MN1: variants seen among roughly 807,000 people sequenced by gnomAD.
The protein encoded by MN1 is transcriptional activator MN1.
In MN1, 19 loss-of-function variants were observed where a neutral mutation model predicts 86.9. The observed-to-expected ratio is 0.22, with a 90% confidence interval of 0.15 to 0.32. The LOEUF (loss-of-function observed/expected upper bound fraction) is 0.32. Among genes scored for constraint, MN1 ranks in the 10% least tolerant of loss-of-function variants. MN1 has a pLI of 1.00. For missense variants in MN1, 1,841 were observed against 1,862.0 expected (o/e 0.99, Z 0.21); for synonymous variants, 928 against 849.6 (o/e 1.09, Z -1.60).
intron 1 of MN1, among the ~76,000 whole-genome samples, chr22:27,775,854 A>C (rs1347506506): frequency 6.6e-6 from 1 of 152,204 alleles, no homozygotes; most frequent in African/African-American, 2.4e-5. Context: ...AATGGCACCG[A>C]CAGCAGCTGA....
intron 1 of MN1, among the ~76,000 whole-genome samples, chr22:27,764,225 G>A (rs1029151269): frequency 4.7e-4 from 72 of 152,294 alleles, no homozygotes; most frequent in African/African-American, 1.7e-3. Flanking sequence ...CCTTGCCGTA[G>A]AACACCTGAC....
In MN1 at chr22:27,798,536, C is replaced by G. The variant is rs1933353364; in HGVS notation, c.2008G>C (p.Gly670Arg). 6.6e-7 allele frequency: 1 copy of G among 1,520,742 alleles called. No individual in the cohort carries two copies. Among genetic ancestry groups the G allele is most frequent in the African/African-American group, 1.4e-5 (1 of 71,640 alleles). The allele number at this position is 1,520,742 out of a possible 1,614,324, so 94.2% of individuals were successfully genotyped here. ...CCCCGGAACAGCACCCCCGAGCCAC[C>G]AGGCGGAGGAGGGGGCGCCAGGCTG... Reference protein sequence around the residue: ...DPSLAPPPPPGGSGVLFRGPL... With the variant: ...DPSLAPPPPPRGSGVLFRGPL... The change falls in exon 1 of 2, where the codon GGT (glycine) becomes CGT (arginine). Residue 670 changes from glycine to arginine, a missense_variant. Coordinates refer to ENST00000302326, the MANE Select transcript of MN1 (RefSeq NM_002430.3).
In MN1 at chr22:27,775,223, G is replaced by A. The variant is rs940000971; in HGVS notation, c.3781+21540C>T. Among the ~76,000 whole-genome samples the A allele has an allele frequency of 2.0e-5, 3 of 152,182 alleles. No individual in the cohort carries two copies. In the East Asian group the frequency reaches 5.8e-4, roughly 29 times the overall value. On this transcript the variant is annotated intron_variant, in intron 1 of 1. Transcript: ENST00000302326. Reference sequence around the variant, plus strand: ...GGGTGCTGTGGGTGACATGGCACATGCTCCACCCTCCAACCTGGCCCCCCG... The same window carrying A: ...GGGTGCTGTGGGTGACATGGCACATACTCCACCCTCCAACCTGGCCCCCCG...
At chr22:27,773,758 G>A (rs1932941624) in intron 1 of MN1, among the ~76,000 whole-genome samples, 1 of 152,176 alleles carries the variant, frequency 6.6e-6, no homozygotes, top group South Asian at 2.1e-4. Flanking sequence ...CCGGGTTCAA[G>A]CAGTTCTCCT....
In MN1 at chr22:27,799,652, G is replaced by GCT. The variant is rs1933392743; in HGVS notation, c.891_892insAG (p.Gln298SerfsTer41). 5.8e-6 allele frequency: 9 copies of GCT among 1,550,068 alleles called. No individual in the cohort carries two copies. The highest frequency in any genetic ancestry group is 1.7e-4 in the Middle Eastern group (1 of 5,802). ...TGCTGCTGGGGCTGCTGCTGCTGCT[G>GCT]GGGCTGCTGCTGCGGTGGCTGGGCG... On this transcript the variant is annotated frameshift_variant, in exon 1 of 2. Coordinates refer to ENST00000302326, the MANE Select transcript of MN1 (RefSeq NM_002430.3). LOFTEE classifies it high-confidence loss of function.
chr22:27,799,588 C>T lies in MN1; in HGVS notation c.956G>A (p.Gly319Glu), dbSNP rs1420961832. The change falls in exon 1 of 2, where the codon GGG becomes GAG. Residue 319 changes from glycine (G) to glutamate (E), a missense_variant. Physicochemically the swap from Gly to Glu is moderately conservative, Grantham distance 98 (BLOSUM62 -2). Coordinates refer to ENST00000302326, the MANE Select transcript of MN1 (RefSeq NM_002430.3). ...CAGACCCACAGGCATCTTTCTGGCC[C>T]CACTGAACCTCTCAAAGAACACACC... The part of the protein sequence containing the change: ...QHGVFFERFS[G>E]ARKMPVGLEP... 6.6e-7 allele frequency: 1 copy of T among 1,521,834 alleles called. No individual in the cohort carries two copies. Among genetic ancestry groups the T allele is most frequent in the African/African-American group, 1.4e-5 (1 of 72,156 alleles). 94.3% of individuals were successfully genotyped at this position (1,521,834 alleles called of 1,614,324 possible).
At position 27,799,558 on chromosome 22, in the gene MN1, G is replaced by A. The variant is rs947904585; in HGVS notation, c.986C>T (p.Pro329Leu). 1 of 1,471,298 alleles carries A rather than the reference G, an allele frequency of 6.8e-7. No individual in the cohort carries two copies. Among genetic ancestry groups the A allele is most frequent in the Non-Finnish European group, 9.0e-7 (1 of 1,109,530 alleles). 91.1% of individuals were successfully genotyped at this position (1,471,298 alleles called of 1,614,324 possible). ...GARKMPVGLEPSVGSRHPLMQ... is the reference protein window; with the variant it reads ...GARKMPVGLELSVGSRHPLMQ... ...TAACGGGTGCCTGGAGCCCACTGAGGGCTCCAGACCCACAGGCATCTTTCT... is the reference window on the plus strand; with the variant it reads ...TAACGGGTGCCTGGAGCCCACTGAGAGCTCCAGACCCACAGGCATCTTTCT... Residue 329 changes from proline to leucine, a missense_variant, in exon 1 of 2, where the codon CCC (proline) becomes CTC (leucine). Coordinates refer to ENST00000302326, the MANE Select transcript of MN1 (RefSeq NM_002430.3).
chr22:27,787,731 A>T (rs982375171), intron 1 of MN1, among the ~76,000 whole-genome samples: 8 of 151,974 alleles, frequency 5.3e-5, no homozygotes, highest in Admixed American at 5.2e-4. Flanking sequence ...TCCCACCCCC[A>T]TCATCCCTCT....
chr22:27,781,948 T>C lies in MN1; in HGVS notation c.3781+14815A>G, dbSNP rs1464010476. 2.0e-5 allele frequency among the ~76,000 whole-genome samples: 3 copies of C among 151,624 alleles called. No homozygotes were observed. The East Asian group carries it at 5.9e-4, about 30-fold the overall frequency. ...CCACCTGAGTTGCCAGACGCAGGGG[T>C]TTAATTTTTCTATTGCTGGCTCCCA... On this transcript the variant is annotated intron_variant, in intron 1 of 1. Coordinates refer to ENST00000302326, the MANE Select transcript of MN1 (RefSeq NM_002430.3).
At position 27,750,994 on chromosome 22, in the gene MN1, C is replaced by A. The variant is rs764921542; in HGVS notation, c.3884G>T (p.Arg1295Leu). The change falls in exon 2 of 2, where the codon CGA (arginine) becomes CTA (leucine). Residue 1295 changes from arginine (R) to leucine (L), a missense_variant. Transcript: ENST00000302326. Reference sequence around the variant, plus strand: ...GGACCGCCAGGTGGGCACGGAGGCTCGAGCCTTGGCGTCACCCACGTCGTC... The same window carrying A: ...GGACCGCCAGGTGGGCACGGAGGCTAGAGCCTTGGCGTCACCCACGTCGTC... ...CTDDVGDAKA[R>L]ASVPTWRSLH... The A allele has an allele frequency of 6.2e-7, 1 of 1,612,940 alleles. No individual in the cohort carries two copies. Among genetic ancestry groups the A allele is most frequent in the Non-Finnish European group, 8.5e-7 (1 of 1,179,360 alleles).
At position 27,801,314 on chromosome 22, in the gene MN1, C is replaced by CCGCTCGGCAGCGGG. The variant is rs1254306012; in HGVS notation, c.-772_-771insCCCGCTGCCGAGCG. On this transcript the variant is annotated 5_prime_UTR_variant, in exon 1 of 2. Coordinates refer to ENST00000302326, the MANE Select transcript of MN1 (RefSeq NM_002430.3). ...AGGGTCGGGGAAAGGCGCGGCTCCT[C>CCGCTCGGCAGCGGG]TGCTCGGCAGCGGGTGCGCTGCGTT... is the stretch of plus-strand genomic sequence containing the variant. The CCGCTCGGCAGCGGG allele has an allele frequency of 2.1e-5, 4 of 187,132 alleles. No individual in the cohort carries two copies. Among genetic ancestry groups the CCGCTCGGCAGCGGG allele is most frequent in the African/African-American group, 1.5e-4 (4 of 26,284 alleles). 11.6% of individuals were successfully genotyped at this position (187,132 alleles called of 1,614,324 possible).
Position 27,801,021 on chromosome 22 carries a change from C to T in MN1, c.-478G>A, listed in dbSNP as rs1210636757. On this transcript the variant is annotated 5_prime_UTR_variant, in exon 1 of 2. Coordinates refer to ENST00000302326, the MANE Select transcript of MN1 (RefSeq NM_002430.3). The stretch of plus-strand genomic sequence containing the variant: ...GAGTCCGTGGCAGAGCTGCTAAGGG[C>T]AGGGGAGGGAGACCCTTCAAAGCCG... 3 of 266,938 alleles carry T rather than the reference C, an allele frequency of 1.1e-5. No homozygotes were observed. The highest frequency in any genetic ancestry group is 1.4e-5 in the Non-Finnish European group (2 of 138,534). 16.5% of individuals were successfully genotyped at this position (266,938 alleles called of 1,614,324 possible).
chr22:27,785,195 A>T (rs1423568245), intron 1 of MN1, among the ~76,000 whole-genome samples: 1 of 152,230 alleles, frequency 6.6e-6, no homozygotes, highest in Non-Finnish European at 1.5e-5. Flanking sequence ...AGATAGTAAT[A>T]CTGCTATTTT....
chr22:27,760,616 C>T (rs150040554), intron 1 of MN1, among the ~76,000 whole-genome samples: 175 of 152,330 alleles, frequency 1.1e-3, no homozygotes, highest in South Asian at 5.2e-3. Context: ...CAGGGAACCA[C>T]ACCCACAACC....
At chr22:27,782,607 AGGCTTCT>A (rs1209302612) in intron 1 of MN1, among the ~76,000 whole-genome samples, 15 of 152,360 alleles carry the variant, frequency 9.8e-5, no homozygotes, top group African/African-American at 3.6e-4. Context: ...TGTGTTAAGC[AGGCTTCT>A]GAGTATCAAC....
rs1933393628 is a variant in MN1, at chr22:27,799,677, G to T, written c.867C>A (p.His289Gln). The T allele has an allele frequency of 6.4e-7, 1 of 1,552,906 alleles. No homozygotes were observed. Among genetic ancestry groups the T allele is most frequent in the Admixed American group, 1.9e-5 (1 of 51,318 alleles). Residue 289 changes from histidine to glutamine, a missense_variant, in exon 1 of 2, where the codon CAC becomes CAA. Transcript: ENST00000302326. ...AAGMVGLSKMHAQPPQQQPQQ... is the reference protein window; with the variant it reads ...AAGMVGLSKMQAQPPQQQPQQ... Reference sequence around the variant, plus strand: ...GGGGCTGCTGCTGCGGTGGCTGGGCGTGCATTTTGGACAAGCCCACCATGC... The same window carrying T: ...GGGGCTGCTGCTGCGGTGGCTGGGCTTGCATTTTGGACAAGCCCACCATGC...
chr22:27,755,180 C>T (rs1040364961), intron 1 of MN1, among the ~76,000 whole-genome samples: 2 of 152,210 alleles, frequency 1.3e-5, no homozygotes, highest in Non-Finnish European at 2.9e-5. Context: ...ATCCCAAATG[C>T]CCTGTATCTG....
chr22:27,770,939 C>T (rs1168123393), intron 1 of MN1, among the ~76,000 whole-genome samples: 3 of 151,956 alleles, frequency 2.0e-5, no homozygotes, highest in South Asian at 2.1e-4. Flanking sequence ...GGATTACAGG[C>T]GGGAGCCACC....
chr22:27,797,178 C>T lies in MN1; in HGVS notation c.3366G>A (p.Gly1122=). 6.4e-7 allele frequency: 1 copy of T among 1,557,358 alleles called. No individual in the cohort carries two copies. The highest frequency in any genetic ancestry group is 8.7e-7 in the Non-Finnish European group (1 of 1,155,442). ...CCGGAGTGCCCGGATGGCCCGGGCC[C>T]CCACCGCCGCCGTAGCTGTCAGGGG... The part of the protein sequence containing the change: ...TSTPDSYGGG[G]GPGHPGTPGL... Residue 1122 remains glycine, a synonymous_variant, in exon 1 of 2, where the codon GGG becomes GGA. Coordinates refer to ENST00000302326, the MANE Select transcript of MN1 (RefSeq NM_002430.3).
Sources: allele counts gnomAD v4.1 joint callset (sites outside exome capture counted in the v4.1 genomes callset), GRCh38; gene constraint gnomAD v4.1.1; transcripts MANE v1.5; gene names NCBI Gene and HGNC (gene_info 2026-07-23, HGNC 2026-07-21).